The following MSR1 variants were observed in gnomAD, a reference collection of about 807,000 sequenced individuals.
The protein encoded by MSR1 is macrophage scavenger receptor types I and II.
A neutral mutation model predicts 47.2 loss-of-function variants in MSR1; 53 were observed. The ratio of observed to expected loss-of-function variants is 1.12; its 90% CI spans 0.90 to 1.41. MSR1 has a LOEUF of 1.41. Among genes scored for constraint, MSR1 ranks in the 40% most tolerant of loss-of-function variants. The probability of loss-of-function intolerance (pLI) is 0.00; values close to 1 mark genes in which losing one functional copy is unlikely to be tolerated. For synonymous variants in MSR1, 239 were observed against 185.6 expected (o/e 1.29, Z -2.34); for missense variants, 786 against 546.9 (o/e 1.44, Z -4.36).
intron 9 of MSR1, among the ~76,000 whole-genome samples, chr8:16,120,170 G>A (rs559848638): frequency 6.6e-6 from 1 of 152,030 alleles, no homozygotes; most frequent in East Asian, 2.0e-4. Context: ...GAGGTCAGGA[G>A]ATCGAGACCA....
chr8:16,168,868 G>T lies in MSR1; in HGVS notation c.220C>A (p.Gln74Lys). The T allele has an allele frequency of 6.2e-7, 1 of 1,612,022 alleles. No homozygotes were observed. Among genetic ancestry groups the T allele is most frequent in the Non-Finnish European group, 8.5e-7 (1 of 1,179,940 alleles). ...TTCTTCGTTTCCCACTTCAGGAGTT[G>T]AGCTGTATATTTAAGTAAAAATAAA... Reference protein sequence around the residue: ...LIPLIGIVAAQLLKWETKNCS... With the variant: ...LIPLIGIVAAKLLKWETKNCS... Residue 74 changes from glutamine (Q) to lysine (K), a missense_variant and splice_region_variant, in exon 4 of 10, where the codon CAA becomes AAA. Physicochemically the swap from Gln to Lys is moderately conservative, Grantham distance 53. Coordinates refer to ENST00000262101, the MANE Select transcript of MSR1 (RefSeq NM_138715.3).
intron 8 of MSR1, among the ~76,000 whole-genome samples, chr8:16,134,804 CA>C (rs1368615490): frequency 6.6e-6 from 1 of 152,058 alleles, no homozygotes; most frequent in Non-Finnish European, 1.5e-5. Context: ...CCAGTGAACA[CA>C]AAAATAATAA....
At chr8:16,176,444 C>T (rs1028809264) in intron 2 of MSR1, among the ~76,000 whole-genome samples, 2 of 148,864 alleles carry the variant, frequency 1.3e-5, no homozygotes, top group South Asian at 2.1e-4. Context: ...GAGGTTGAGG[C>T]TGCAATGGGC....
intron 5 of MSR1, among the ~76,000 whole-genome samples, chr8:16,159,520 G>C (rs1043501120): frequency 6.6e-6 from 1 of 151,848 alleles, no homozygotes; most frequent in Non-Finnish European, 1.5e-5. Context: ...AGGGAAAAGA[G>C]AACACAAAGT....
Position 16,120,487 on chromosome 8 carries a change from G to C in MSR1, c.1153C>G (p.Gln385Glu), listed in dbSNP as rs1199242887. The change falls in exon 9 of 10, where the codon CAG (glutamine) becomes GAG (glutamate). Residue 385 changes from glutamine (Q) to glutamate (E), a missense_variant. Coordinates refer to ENST00000262101, the MANE Select transcript of MSR1 (RefSeq NM_138715.3). The part of the protein sequence containing the change: ...CDDRWEVRVG[Q>E]VVCRSLGYPG... The stretch of plus-strand genomic sequence containing the variant: ...TATCCCAAGCTCCTACAGACGACCT[G>C]TCCAACGCGCACTTCCCAGCGATCG... 1 of 1,613,780 alleles carries C rather than the reference G, an allele frequency of 6.2e-7. No homozygotes were observed. The highest frequency in any genetic ancestry group is 8.5e-7 in the Non-Finnish European group (1 of 1,179,934).
intron 4 of MSR1, among the ~76,000 whole-genome samples, chr8:16,165,503 T>C (rs1563161083): frequency 6.6e-6 from 1 of 152,142 alleles, no homozygotes; most frequent in Non-Finnish European, 1.5e-5. Flanking sequence ...TCATCTATTC[T>C]GGTAATAATT....
At chr8:16,128,181 C>T (rs1800173022) in intron 8 of MSR1, among the ~76,000 whole-genome samples, 1 of 152,094 alleles carries the variant, frequency 6.6e-6, no homozygotes, top group Non-Finnish European at 1.5e-5. Context: ...GAAACAGTTC[C>T]AGCCGTGTGC....
chr8:16,120,421 G>C lies in MSR1; in HGVS notation c.1219C>G (p.Gln407Glu), dbSNP rs993646387. The C allele has an allele frequency of 1.2e-6, 2 of 1,613,452 alleles. No homozygotes were observed. Among genetic ancestry groups the C allele is most frequent in the African/African-American group, 2.7e-5 (2 of 74,820 alleles). Residue 407 changes from glutamine (Q) to glutamate (E), a missense_variant, in exon 9 of 10, where the codon CAA (glutamine) becomes GAA (glutamate). Physicochemically the swap from Gln to Glu is conservative, Grantham distance 29. Transcript: ENST00000262101. ...CACAAGATTTTCTTTAAATTACCTT[G>C]TCCAAAGTGAGCTGCCTTGTGCACG... ...QAVHKAAHFGQGTGPIWLNEV... is the reference protein window; with the variant it reads ...QAVHKAAHFGEGTGPIWLNEV...
rs181923994 is a variant in MSR1, at chr8:16,188,727, G to A, written c.-5+3871C>T. ...CTCCCTGTGTCCACGTGCTCTCACTGTTCAACTGTCACTTATGAGTGAGAA... is the reference window on the plus strand; with the variant it reads ...CTCCCTGTGTCCACGTGCTCTCACTATTCAACTGTCACTTATGAGTGAGAA... On this transcript the variant is annotated intron_variant, in intron 1 of 9. Transcript: ENST00000262101. Among the ~76,000 whole-genome samples, 312 of 151,964 alleles carry A rather than the reference G, an allele frequency of 2.1e-3. 1 individual carries two copies. The highest frequency in any genetic ancestry group is 3.9e-3 in the Non-Finnish European group (265 of 67,960).
intron 4 of MSR1, among the ~76,000 whole-genome samples, chr8:16,164,942 A>G (rs1801262744): frequency 6.6e-6 from 1 of 152,108 alleles, no homozygotes; most frequent in Non-Finnish European, 1.5e-5. Flanking sequence ...TCAATAATAT[A>G]TTAAGGATAT....
chr8:16,140,286 A>AAAAAG (rs908260649), intron 8 of MSR1: 55 of 984,758 alleles, frequency 5.6e-5, no homozygotes, highest in Non-Finnish European at 6.6e-5. Flanking sequence ...TTAAAACAAG[A>AAAAAG]AAAAGAAAAA....
intron 4 of MSR1, among the ~76,000 whole-genome samples, chr8:16,166,228 T>A (rs988417035): frequency 7.5e-6 from 1 of 133,756 alleles, no homozygotes; most frequent in Non-Finnish European, 1.5e-5. Context: ...TGGAGTGCAA[T>A]GGCATGATCT....
chr8:16,185,420 T>A (rs1801966098), intron 1 of MSR1, among the ~76,000 whole-genome samples: 1 of 152,176 alleles, frequency 6.6e-6, no homozygotes, highest in Admixed American at 6.6e-5. Flanking sequence ...TTTCCAGGAT[T>A]TTCACTGTGG....
intron 9 of MSR1, among the ~76,000 whole-genome samples, chr8:16,114,327 T>C (rs1799828393): frequency 6.6e-6 from 1 of 152,102 alleles, no homozygotes; most frequent in Admixed American, 6.6e-5. Flanking sequence ...AACTTTTAAA[T>C]GGCATTTATG....
intron 9 of MSR1, among the ~76,000 whole-genome samples, chr8:16,118,786 T>A (rs1799933913): frequency 6.6e-6 from 1 of 152,080 alleles, no homozygotes; most frequent in South Asian, 2.1e-4. Context: ...TCTCTAGGGA[T>A]GAAGAGTTGA....
intron 1 of MSR1, chr8:16,186,418 A>G (rs442677): frequency 0.18 from 95,223 of 527,260 alleles, 12,192 homozygotes; most frequent in East Asian, 0.47. Context: ...CTCAACTACA[A>G]ACCCATATAT....
chr8:16,129,988 A>G (rs1326291993), intron 8 of MSR1, among the ~76,000 whole-genome samples: 1 of 152,140 alleles, frequency 6.6e-6, no homozygotes, highest in Non-Finnish European at 1.5e-5. Context: ...AGGGAAGTGG[A>G]GTGTTGGGCC....
At chr8:16,115,655 T>C (rs1396135871) in intron 9 of MSR1, among the ~76,000 whole-genome samples, 2 of 152,122 alleles carry the variant, frequency 1.3e-5, no homozygotes, top group Non-Finnish European at 2.9e-5. Context: ...AGTTGTTTGG[T>C]ACTGAACTCT....
intron 2 of MSR1, among the ~76,000 whole-genome samples, chr8:16,175,583 G>A (rs547535809): frequency 1.3e-5 from 2 of 152,066 alleles, no homozygotes; most frequent in South Asian, 4.2e-4. Flanking sequence ...GGAATCAGCT[G>A]GTAAATTTTA....
Sources: gnomAD v4.1 joint callset for allele counts (sites outside exome capture counted in the v4.1 genomes callset) on GRCh38, gnomAD v4.1.1 for gene constraint, MANE v1.5 for transcripts, NCBI Gene and HGNC (gene_info 2026-07-23, HGNC 2026-07-21) for gene names.